EHBP1: variants seen among roughly 807,000 people sequenced by gnomAD.
EHBP1 encodes the protein EH domain binding protein 1.
A neutral mutation model predicts 144.0 loss-of-function variants in EHBP1; 55 were observed. The observed-to-expected ratio is 0.38, with a 90% CI of 0.31 to 0.48. The LOEUF (loss-of-function observed/expected upper bound fraction) is 0.48, where lower values mean the gene tolerates loss of function less well. Ranked by LOEUF, EHBP1 falls within the 20% of genes least tolerant of loss-of-function variation. The pLI, the probability that EHBP1 is intolerant of heterozygous loss-of-function variation, is 0.98. For missense variants in EHBP1, 1,200 were observed against 1,364.2 expected (o/e 0.88, Z 1.90); for synonymous variants, 469 against 472.7 (o/e 0.99, Z 0.10).
At chr2:62,704,529 TC>T (rs1220257190), upstream of EHBP1, among the ~76,000 whole-genome samples, 2 of 152,228 alleles carry the variant, frequency 1.3e-5, no homozygotes, top group Non-Finnish European at 2.9e-5. Flanking sequence ...GATCCTTGTT[TC>T]CAGAACCCAT....
chr2:62,694,521 T>A (rs999707869), intron 1 of EHBP1, among the ~76,000 whole-genome samples: 6 of 151,940 alleles, frequency 3.9e-5, no homozygotes, highest in Admixed American at 6.6e-5. Context: ...AAAAACTTCT[T>A]AAGACAGCAA....
At chr2:63,012,173 T>C (rs1262885894) in intron 19 of EHBP1, among the ~76,000 whole-genome samples, 1 of 151,976 alleles carries the variant, frequency 6.6e-6, no homozygotes, top group Non-Finnish European at 1.5e-5. Flanking sequence ...TAATATAATA[T>C]GAACAGTTAA....
intron 5 of EHBP1, among the ~76,000 whole-genome samples, chr2:62,781,320 T>A (rs1446138044): frequency 1.3e-5 from 2 of 152,204 alleles, no homozygotes; most frequent in African/African-American, 4.8e-5. Flanking sequence ...AAGATGTTTA[T>A]AATTTTTTAT....
intron 4 of EHBP1, among the ~76,000 whole-genome samples, chr2:62,770,448 A>G (rs978772862): frequency 6.6e-6 from 1 of 152,260 alleles, no homozygotes; most frequent in African/African-American, 2.4e-5. Flanking sequence ...AATGCAAATC[A>G]AAATCACAAG....
chr2:62,895,335 G>A (rs573477450), intron 10 of EHBP1, among the ~76,000 whole-genome samples: 1 of 151,982 alleles, frequency 6.6e-6, no homozygotes, highest in African/African-American at 2.4e-5. Context: ...CAGAAGCAGA[G>A]AATATCCTGA....
chr2:63,015,966 C>T (rs2060469364), intron 19 of EHBP1, among the ~76,000 whole-genome samples: 1 of 151,896 alleles, frequency 6.6e-6, no homozygotes, highest in Non-Finnish European at 1.5e-5. Context: ...TTTTCATAAA[C>T]AGAAACAAAA....
intron 2 of EHBP1, among the ~76,000 whole-genome samples, chr2:62,715,398 G>GC (rs1307643728): frequency 1.3e-5 from 2 of 151,630 alleles, no homozygotes; most frequent in South Asian, 4.2e-4. Context: ...ACAGATGTGA[G>GC]CCACCGTGCC....
chr2:62,872,412 G>T (rs2050564073), intron 9 of EHBP1, among the ~76,000 whole-genome samples: 1 of 152,036 alleles, frequency 6.6e-6, no homozygotes, highest in Non-Finnish European at 1.5e-5. Context: ...ATGATCAACA[G>T]AATGTGAAAA....
intron 5 of EHBP1, among the ~76,000 whole-genome samples, chr2:62,781,062 C>T (rs1479091365): frequency 6.6e-6 from 1 of 152,086 alleles, no homozygotes. Flanking sequence ...TTGCTACATA[C>T]TGAGAGTGTA....
upstream of EHBP1, among the ~76,000 whole-genome samples, chr2:62,701,266 T>C (rs1003772737): frequency 1.3e-5 from 2 of 152,208 alleles, no homozygotes; most frequent in Non-Finnish European, 2.9e-5. Context: ...AATTTTACTG[T>C]CTTTAATAAA....
At chr2:62,880,636 G>A (rs142155028) in intron 10 of EHBP1, among the ~76,000 whole-genome samples, 3 of 151,964 alleles carry the variant, frequency 2.0e-5, no homozygotes, top group African/African-American at 7.3e-5. Flanking sequence ...TGTGGCCATC[G>A]AGTATATGAG....
At chr2:62,888,768 T>C (rs2152903026) in intron 10 of EHBP1, among the ~76,000 whole-genome samples, 1 of 152,264 alleles carries the variant, frequency 6.6e-6, no homozygotes, top group Admixed American at 6.5e-5. Flanking sequence ...ACTGGTTAGC[T>C]CACCTTTACT....
At chr2:62,858,516 A>T in intron 7 of EHBP1, 1 of 1,589,008 alleles carries the variant, frequency 6.3e-7, no homozygotes, top group Admixed American at 1.7e-5. Flanking sequence ...TGAAGGTCTA[A>T]GAGCTTTCCT....
intron 10 of EHBP1, among the ~76,000 whole-genome samples, chr2:62,897,913 C>T (rs965038120): frequency 3.3e-5 from 5 of 152,136 alleles, no homozygotes; most frequent in Non-Finnish European, 7.4e-5. Flanking sequence ...TATCCACAAG[C>T]TACACGTGAC....
At chr2:62,997,428 ATGTGTGTG>A (rs70962800) in intron 19 of EHBP1, among the ~76,000 whole-genome samples, 1,132 of 90,578 alleles carry the variant, frequency 0.012, 12 homozygotes, top group Non-Finnish European at 0.015. Flanking sequence ...AAAGGAACTC[ATGTGTGTG>A]TGTGTGTGTG....
At position 62,835,409 on chromosome 2, in the gene EHBP1, C is replaced by A. The variant is rs12624283; in HGVS notation, c.634+4251C>A. ...GTTTCATTTTAGGCTGGTATTCTCT[C>A]TAATAAATAAATAAGCCAGACAAAG... is the stretch of plus-strand genomic sequence containing the variant. On this transcript the variant is annotated intron_variant, in intron 7 of 22. Transcript: ENST00000431489. Among the ~76,000 whole-genome samples, 151 of 151,818 alleles carry A rather than the reference C, an allele frequency of 9.9e-4. No homozygotes were observed. In the East Asian group the frequency reaches 0.014, roughly 14 times the overall value.
chr2:63,044,286 C>G (rs972219004), intron 21 of EHBP1: 1 of 150,068 alleles, frequency 6.7e-6, no homozygotes, highest in South Asian at 2.1e-4. Flanking sequence ...AAAACGCCCC[C>G]CATCCATGGA....
At chr2:62,882,057 G>A (rs564214828) in intron 10 of EHBP1, among the ~76,000 whole-genome samples, 1 of 152,286 alleles carries the variant, frequency 6.6e-6, no homozygotes, top group Non-Finnish European at 1.5e-5. Flanking sequence ...TTTTCTCAAG[G>A]ACATTGAAGT....
At chr2:62,881,720 A>G (rs1327871431) in intron 10 of EHBP1, 1 of 152,188 alleles carries the variant, frequency 6.6e-6, no homozygotes, top group Non-Finnish European at 1.5e-5. Context: ...ACTACATGGA[A>G]AGGTAAAACA....
Sources: allele counts gnomAD v4.1 joint callset (sites outside exome capture counted in the v4.1 genomes callset), GRCh38; gene constraint gnomAD v4.1.1; transcripts MANE v1.5; gene names NCBI Gene and HGNC (gene_info 2026-07-23, HGNC 2026-07-21).